Variants in USP7 observed in about 807,000 individuals in gnomAD.
USP7 encodes the protein ubiquitin C-terminal hydrolase 7.
In USP7, 9 loss-of-function variants were observed where a neutral mutation model predicts 162.9. The observed-to-expected ratio is 0.06, with a 90% CI of 0.03 to 0.10. The LOEUF (loss-of-function observed/expected upper bound fraction) is 0.10, where lower values mean the gene tolerates loss of function less well. Ranked by LOEUF, USP7 falls within the 10% of genes least tolerant of loss-of-function variation. The pLI, the probability that USP7 is intolerant of heterozygous loss-of-function variation, is 1.00. For missense variants in USP7, 715 were observed against 1,373.7 expected, an observed-to-expected ratio of 0.52 and a Z score of 7.58; for synonymous variants, 562 against 475.9, an observed-to-expected ratio of 1.18 and a Z score of -2.35.
chr16:8,928,219 T>C (rs571412425), intron 2 of USP7, among the ~76,000 whole-genome samples: 5 of 152,332 alleles, frequency 3.3e-5, no homozygotes, highest in Admixed American at 2.0e-4. Flanking sequence ...AGAAGTCTTC[T>C]GTGCAAATCA....
At chr16:8,945,151 G>A (rs939201649) in intron 1 of USP7, among the ~76,000 whole-genome samples, 2 of 152,126 alleles carry the variant, frequency 1.3e-5, no homozygotes, top group Non-Finnish European at 2.9e-5. Context: ...AGCTACTCAG[G>A]AGGTGGAGGT....
rs550804234 is a variant in USP7, at chr16:8,895,754, GAAAA to G, written c.2820-17_2820-14del. Reference sequence around the variant, plus strand: ...AATTTCTAGCAGCCTGAACAGAGAGGAAAAAAAAATAGGGCAAAATGAAGTATAT... The same window carrying G: ...AATTTCTAGCAGCCTGAACAGAGAGGAAAAATAGGGCAAAATGAAGTATAT... On this transcript the variant is annotated splice_polypyrimidine_tract_variant and intron_variant, in intron 26 of 30. Coordinates refer to ENST00000344836, the MANE Select transcript of USP7 (RefSeq NM_003470.3). 2.0e-6 allele frequency: 3 copies of G among 1,525,750 alleles called. No homozygotes were observed. The highest frequency in any genetic ancestry group is 3.5e-4 in the Middle Eastern group (2 of 5,730). 94.5% of individuals were successfully genotyped at this position (1,525,750 alleles called of 1,614,324 possible).
At position 8,892,606 on chromosome 16, in the gene USP7, T is replaced by TAAA. The variant is rs55937310; in HGVS notation, c.*1389_*1391dup. Reference sequence around the variant, plus strand: ...AGAGTAAATGTGACTAGTTAGAGGCTAAAAAAAAAAAAAAAAAAAAAAAGA... The same window carrying TAAA: ...AGAGTAAATGTGACTAGTTAGAGGCTAAAAAAAAAAAAAAAAAAAAAAAAAAGA... On this transcript the variant is annotated 3_prime_UTR_variant, in exon 31 of 31. Coordinates refer to ENST00000344836, the MANE Select transcript of USP7 (RefSeq NM_003470.3). The TAAA allele has an allele frequency of 1.7e-5, 2 of 120,008 alleles. No homozygotes were observed. The highest frequency in any genetic ancestry group is 3.5e-5 in the Non-Finnish European group (2 of 57,816). 7.4% of individuals were successfully genotyped at this position (120,008 alleles called of 1,614,324 possible).
intron 1 of USP7, among the ~76,000 whole-genome samples, chr16:8,955,200 CT>C (rs2141265388): frequency 6.6e-6 from 1 of 152,322 alleles, no homozygotes; most frequent in East Asian, 1.9e-4. Context: ...TTGGGTTTCT[CT>C]TTCCGTATGG....
rs753160107 is a variant in USP7 at position 8,894,110 on chromosome 16, G to A, written c.3203-6C>T. The A allele has an allele frequency of 2.3e-5, 37 of 1,613,656 alleles. No homozygotes were observed. The Admixed American group carries it at 6.2e-4, about 27-fold the overall frequency. On this transcript the variant is annotated splice_polypyrimidine_tract_variant and splice_region_variant and intron_variant, in intron 30 of 30. Coordinates refer to ENST00000344836, the MANE Select transcript of USP7 (RefSeq NM_003470.3). The stretch of plus-strand genomic sequence containing the variant: ...CCGAGGATGAGACATATTACCTGGT[G>A]GGGATGAAGAAAAGCAAGTGAGGCC...
chr16:8,894,319 C>T (rs569808162), intron 30 of USP7, among the ~76,000 whole-genome samples: 2 of 152,294 alleles, frequency 1.3e-5, no homozygotes, highest in South Asian at 4.1e-4. Flanking sequence ...GTCTCAATCA[C>T]CCTGCACACA....
At chr16:8,895,611 C>T (rs1567204583) in intron 27 of USP7, 31 bp downstream of exon 27, 1 of 1,558,362 alleles carries the variant, frequency 6.4e-7, no homozygotes, top group Non-Finnish European at 8.8e-7. Context: ...CATGAATTCT[C>T]TCTGGTGCCA....
At chr16:8,915,625 G>C in intron 8 of USP7, 100 bp from the exon 9 acceptor site, 1 of 1,064,406 alleles carries the variant, frequency 9.4e-7, no homozygotes, top group Non-Finnish European at 1.4e-6. Flanking sequence ...CAAAGAAGTT[G>C]TAGACTATAA....
chr16:8,963,277 G>A lies in USP7; in HGVS notation c.9C>T (p.His3=), dbSNP rs1213557591. The change falls in exon 1 of 31, where the codon CAC becomes CAT. Residue 3 remains histidine, a synonymous_variant. Coordinates refer to ENST00000344836, the MANE Select transcript of USP7 (RefSeq NM_003470.3). The stretch of plus-strand genomic sequence containing the variant: ...CTTTCTGCTGCTGCTGCTGCTGCTG[G>A]TGGTTCATGTCGGCCGCGGCCTGGG... MN[H]QQQQQQQKAG... The A allele has an allele frequency of 2.3e-6, 3 of 1,331,316 alleles. No homozygotes were observed. The highest frequency in any genetic ancestry group is 2.9e-6 in the Non-Finnish European group (3 of 1,025,132). 82.5% of individuals were successfully genotyped at this position (1,331,316 alleles called of 1,614,324 possible).
chr16:8,917,206 ATTTAAAAAACAGTAAGAATTTAATC>A (rs1315767466), intron 6 of USP7, 50 bp from the exon 7 acceptor site: 1 of 1,549,216 alleles, frequency 6.5e-7, no homozygotes, highest in African/African-American at 1.4e-5. Context: ...ATGCAGGGGA[ATTTAAAAAACAGTAAGAATTTAATC>A]TTCATGTTTA....
At chr16:8,931,169 T>G (rs138650792) in intron 1 of USP7, among the ~76,000 whole-genome samples, 15 of 152,152 alleles carry the variant, frequency 9.9e-5, no homozygotes, top group African/African-American at 3.6e-4. Flanking sequence ...TTTTAAACGT[T>G]TTCATCATGA....
intron 3 of USP7, among the ~76,000 whole-genome samples, chr16:8,922,000 C>T (rs984256627): frequency 1.3e-5 from 2 of 152,194 alleles, no homozygotes; most frequent in African/African-American, 4.8e-5. Context: ...GCACTTCCTG[C>T]TTGCTCGGGA....
At position 8,926,131 on chromosome 16, in the gene USP7, G is replaced by C. The variant is rs112498852; in HGVS notation, c.185-2718C>G. 3.0e-3 allele frequency among the ~76,000 whole-genome samples: 452 copies of C among 150,546 alleles called. 3 individuals are homozygous for C. Among genetic ancestry groups the C allele is most frequent in the African/African-American group, 0.01 (427 of 40,940 alleles). ...ATCGCGCCACTGCACTCTAGCCTGGGCGACAGAGCGAGACTCCGTCTCAAA... is the reference window on the plus strand; with the variant it reads ...ATCGCGCCACTGCACTCTAGCCTGGCCGACAGAGCGAGACTCCGTCTCAAA... On this transcript the variant is annotated intron_variant, in intron 2 of 30. Coordinates refer to ENST00000344836, the MANE Select transcript of USP7 (RefSeq NM_003470.3).
Position 8,903,438 on chromosome 16 carries a change from C to A in USP7, c.1705-36G>T, listed in dbSNP as rs1287646297. On this transcript the variant is annotated intron_variant, in intron 15 of 30. Transcript: ENST00000344836. ...GTATGAAAGCACAGAAAAGACTTGA[C>A]AACTGACAAAAAATGAGTCCACACT... The A allele has an allele frequency of 4.4e-6, 7 of 1,594,848 alleles. No individual in the cohort carries two copies. The Admixed American group carries it at 5.2e-5, about 12-fold the overall frequency.
chr16:8,907,884 A>G (rs2061885325), intron 12 of USP7, among the ~76,000 whole-genome samples: 1 of 152,262 alleles, frequency 6.6e-6, no homozygotes, highest in African/African-American at 2.4e-5. Flanking sequence ...CAACTACTTT[A>G]GCATTCTTGA....
At chr16:8,941,986 G>A (rs145182248) in intron 1 of USP7, among the ~76,000 whole-genome samples, 2 of 152,356 alleles carry the variant, frequency 1.3e-5, no homozygotes, top group East Asian at 1.9e-4. Flanking sequence ...TCATGAAGGA[G>A]GAGACAACTG....
At chr16:8,944,299 G>A (rs1339560649) in intron 1 of USP7, among the ~76,000 whole-genome samples, 3 of 152,132 alleles carry the variant, frequency 2.0e-5, no homozygotes, top group Non-Finnish European at 4.4e-5. Context: ...TGAGAGAGGG[G>A]GTGCAACAGC....
chr16:8,925,485 C>G (rs1411370100), intron 2 of USP7, among the ~76,000 whole-genome samples: 2 of 152,146 alleles, frequency 1.3e-5, no homozygotes, highest in Non-Finnish European at 2.9e-5. Flanking sequence ...TTTATGTATA[C>G]AAAATCAATA....
Position 8,895,023 on chromosome 16 carries a change from C to T in USP7, c.3039+8G>A, listed in dbSNP as rs2061660133. 1.9e-6 allele frequency: 3 copies of T among 1,614,260 alleles called. No homozygotes were observed. On this transcript the variant is annotated splice_region_variant and intron_variant, in intron 28 of 30. Transcript: ENST00000344836. ...ACGTGAGCCACTCGGCCAACCACAACAGCATACCTGGTGTATCCTCAGCAA... is the reference window on the plus strand; with the variant it reads ...ACGTGAGCCACTCGGCCAACCACAATAGCATACCTGGTGTATCCTCAGCAA...
Sources: gnomAD v4.1 joint callset for allele counts (sites outside exome capture counted in the v4.1 genomes callset) on GRCh38, gnomAD v4.1.1 for gene constraint, MANE v1.5 for transcripts, NCBI Gene and HGNC (gene_info 2026-07-23, HGNC 2026-07-21) for gene names.